The following CTNNA1 variants were observed in gnomAD, a reference collection of about 807,000 sequenced individuals.
The protein encoded by CTNNA1 is catenin alpha 1.
In CTNNA1, 37 loss-of-function variants were observed where a neutral mutation model predicts 98.4. The ratio of observed to expected loss-of-function variants is 0.38; its 90% CI spans 0.29 to 0.49. The LOEUF is 0.49. CTNNA1 is among the 20% of genes least tolerant of loss of function. The pLI is 0.95. For synonymous variants in CTNNA1, 404 were observed against 413.2 expected, an observed-to-expected ratio of 0.98 and a Z score of 0.27; for missense variants, 761 against 1,147.2, an observed-to-expected ratio of 0.66 and a Z score of 4.86.
chr5:138,765,782 C>G (rs1434013485), intron 1 of CTNNA1, among the ~76,000 whole-genome samples: 2 of 151,632 alleles, frequency 1.3e-5, no homozygotes, highest in Non-Finnish European at 2.9e-5. Flanking sequence ...AACCCCATCT[C>G]TACTAAAAAT....
chr5:138,763,416 C>G lies in CTNNA1; in HGVS notation c.-3+9906C>G, dbSNP rs1752581708. On this transcript the variant is annotated intron_variant, in intron 1 of 17. Coordinates refer to ENST00000302763, the MANE Select transcript of CTNNA1 (RefSeq NM_001903.5). ...TTAGATTCAATATTTCAATATTAAT[C>G]CAAGCTTTTTTTTTGAGACAGGGTC... 3.9e-5 allele frequency among the ~76,000 whole-genome samples: 6 copies of G among 152,116 alleles called. No individual in the cohort carries two copies. In the South Asian group the frequency reaches 1.2e-3, roughly 31 times the overall value.
intron 14 of CTNNA1, among the ~76,000 whole-genome samples, chr5:138,929,826 G>T (rs1016507917): frequency 1.3e-5 from 2 of 152,304 alleles, no homozygotes; most frequent in East Asian, 3.9e-4. Context: ...TTTTGGGGAG[G>T]ATGCCAAGAA....
chr5:138,852,316 A>G (rs1018329996), intron 7 of CTNNA1, among the ~76,000 whole-genome samples: 1 of 151,464 alleles, frequency 6.6e-6, no homozygotes, highest in Non-Finnish European at 1.5e-5. Flanking sequence ...CCATATTGAC[A>G]TTTTTTTTGC....
chr5:138,876,033 A>G (rs1238358709), intron 7 of CTNNA1, among the ~76,000 whole-genome samples: 1 of 152,244 alleles, frequency 6.6e-6, no homozygotes, highest in Non-Finnish European at 1.5e-5. Context: ...GATTGAAAAA[A>G]TAATGCTGAG....
chr5:138,799,368 C>T (rs1757302189), intron 3 of CTNNA1, among the ~76,000 whole-genome samples: 1 of 152,168 alleles, frequency 6.6e-6, no homozygotes, highest in South Asian at 2.1e-4. Flanking sequence ...CCATGTTGGT[C>T]AGACTGGTCT....
intron 3 of CTNNA1, among the ~76,000 whole-genome samples, chr5:138,799,222 G>T (rs529391006): frequency 1.3e-5 from 2 of 151,982 alleles, no homozygotes; most frequent in African/African-American, 2.4e-5. Flanking sequence ...GTGCAATGGC[G>T]TGACCTCGGT....
intron 7 of CTNNA1, among the ~76,000 whole-genome samples, chr5:138,848,033 G>A (rs1762881127): frequency 6.6e-6 from 1 of 152,166 alleles, no homozygotes. Flanking sequence ...TGCTTCTTGG[G>A]TAATAAATTC....
chr5:138,802,259 T>C (rs1244638575), intron 3 of CTNNA1, among the ~76,000 whole-genome samples: 1 of 152,250 alleles, frequency 6.6e-6, no homozygotes, highest in Non-Finnish European at 1.5e-5. Flanking sequence ...AAGCAAATAT[T>C]AGTTGACTAT....
intron 3 of CTNNA1, among the ~76,000 whole-genome samples, chr5:138,785,367 A>T (rs1755575809): frequency 6.6e-6 from 1 of 151,930 alleles, no homozygotes; most frequent in Non-Finnish European, 1.5e-5. Context: ...GGCCTAATTT[A>T]TTTTAAAGTA....
chr5:138,815,106 G>GT (rs949972844), intron 5 of CTNNA1, among the ~76,000 whole-genome samples: 34 of 151,804 alleles, frequency 2.2e-4, no homozygotes, highest in South Asian at 1.9e-3. Context: ...TACCTGAGTT[G>GT]TTTTTTTTCT....
intron 7 of CTNNA1, among the ~76,000 whole-genome samples, chr5:138,840,223 G>A (rs1762159084): frequency 6.6e-6 from 1 of 152,156 alleles, no homozygotes; most frequent in African/African-American, 2.4e-5. Context: ...GGATAGGTGG[G>A]GACCAAGGGA....
At chr5:138,789,934 C>G (rs1756168748) in intron 3 of CTNNA1, among the ~76,000 whole-genome samples, 1 of 151,952 alleles carries the variant, frequency 6.6e-6, no homozygotes, top group African/African-American at 2.4e-5. Flanking sequence ...GCTTTTTTTT[C>G]CCCTTAGAAA....
chr5:138,896,277 G>T (rs1319391546), intron 9 of CTNNA1, among the ~76,000 whole-genome samples: 1 of 152,048 alleles, frequency 6.6e-6, no homozygotes, highest in African/African-American at 2.4e-5. Context: ...GCCCACACTG[G>T]TCTCAAACTC....
rs192208183 is a variant in CTNNA1 at position 138,819,963 on chromosome 5, C to G, written c.589-4567C>G. 2.6e-3 allele frequency among the ~76,000 whole-genome samples: 399 copies of G among 152,012 alleles called. 2 individuals are homozygous for G. The highest frequency in any genetic ancestry group is 6.7e-3 in the Admixed American group (102 of 15,264). ...CTTTGCTCTCTTCCTCCTGCTCTCG[C>G]CATGTAAGATATGATTCCTTTCTCT... On this transcript the variant is annotated intron_variant, in intron 5 of 17. Transcript: ENST00000302763.
chr5:138,873,263 G>GA lies in CTNNA1; in HGVS notation c.1063-12945dup. ...CACTATAAAAATAATAAAAAAGAAAGAAAACAATAAAGCCATTGTTCCCGT... is the reference window on the plus strand; with the variant it reads ...CACTATAAAAATAATAAAAAAGAAAGAAAAACAATAAAGCCATTGTTCCCGT... On this transcript the variant is annotated intron_variant, in intron 7 of 17. Coordinates refer to ENST00000302763, the MANE Select transcript of CTNNA1 (RefSeq NM_001903.5). This position sits in a 1 kb window ranked among gnomAD's most constrained non-coding sequence, Gnocchi z 6.1. 6.2e-7 allele frequency: 1 copy of GA among 1,613,822 alleles called. No homozygotes were observed. Among genetic ancestry groups the GA allele is most frequent in the Non-Finnish European group, 8.5e-7 (1 of 1,179,802 alleles).
At chr5:138,867,099 T>A (rs1442913469) in intron 7 of CTNNA1, among the ~76,000 whole-genome samples, 1 of 152,270 alleles carries the variant, frequency 6.6e-6, no homozygotes, top group East Asian at 1.9e-4. Context: ...TAATAAGCTC[T>A]GCTTTTAACT....
chr5:138,869,866 A>T (rs1396853830), intron 7 of CTNNA1: 1 of 152,594 alleles, frequency 6.6e-6, no homozygotes, highest in Non-Finnish European at 1.5e-5. Context: ...TTGCTTTTTG[A>T]TGCTGGCAGT....
intron 16 of CTNNA1, among the ~76,000 whole-genome samples, chr5:138,931,484 C>G (rs1359095920): frequency 2.0e-5 from 3 of 152,258 alleles, no homozygotes; most frequent in Non-Finnish European, 4.4e-5. Flanking sequence ...TAGCCAAACT[C>G]TCAGCCTCAT....
chr5:138,814,371 C>T (rs554316875), intron 5 of CTNNA1, among the ~76,000 whole-genome samples: 60 of 152,052 alleles, frequency 3.9e-4, no homozygotes, highest in African/African-American at 1.4e-3. Context: ...GCCTCAGCCT[C>T]CCGTCAGTGT....
Sources: allele counts gnomAD v4.1 joint callset (sites outside exome capture counted in the v4.1 genomes callset), GRCh38; gene constraint gnomAD v4.1.1; non-coding constraint Gnocchi (gnomAD v3.1); transcripts MANE v1.5; gene names NCBI Gene and HGNC (gene_info 2026-07-23, HGNC 2026-07-21).